VWC2L: variants seen among roughly 807,000 people sequenced by gnomAD.
VWC2L encodes von Willebrand factor C domain-containing protein 2-like.
VWC2L carries 10 observed loss-of-function variants against 21.6 expected under a neutral mutation model. The ratio of observed to expected loss-of-function variants is 0.46; its 90% CI spans 0.29 to 0.78. VWC2L has a LOEUF of 0.78. Among genes scored for constraint, VWC2L ranks in the 30% least tolerant of loss-of-function variants. VWC2L has a pLI of 0.10. For synonymous variants in VWC2L, 96 were observed against 94.3 expected, an observed-to-expected ratio of 1.02 and a Z score of -0.10; for missense variants, 209 against 277.1, an observed-to-expected ratio of 0.75 and a Z score of 1.74.
intron 3 of VWC2L, among the ~76,000 whole-genome samples, chr2:214,446,719 C>CA (rs1702842987): frequency 6.6e-6 from 1 of 152,106 alleles, no homozygotes; most frequent in South Asian, 2.1e-4. Flanking sequence ...CCAGTCCCCC[C>CA]ACAAAACATA....
intron 3 of VWC2L, among the ~76,000 whole-genome samples, chr2:214,539,410 T>C (rs1224634825): frequency 6.6e-6 from 1 of 152,202 alleles, no homozygotes; most frequent in African/African-American, 2.4e-5. Flanking sequence ...TAGTTGACTG[T>C]CAGTATAGTT....
At chr2:214,441,558 A>C (rs969069580) in intron 3 of VWC2L, among the ~76,000 whole-genome samples, 5 of 152,044 alleles carry the variant, frequency 3.3e-5, no homozygotes, top group South Asian at 2.1e-4. Context: ...AATGTTATAA[A>C]CTTTTTAAAA....
At chr2:214,443,747 T>G (rs1417612906) in intron 3 of VWC2L, among the ~76,000 whole-genome samples, 1 of 152,098 alleles carries the variant, frequency 6.6e-6, no homozygotes, top group Non-Finnish European at 1.5e-5. Context: ...CTAAAGAAAT[T>G]CCCGATAAAG....
At chr2:214,551,606 A>C (rs1689796008) in intron 3 of VWC2L, among the ~76,000 whole-genome samples, 4 of 152,196 alleles carry the variant, frequency 2.6e-5, no homozygotes, top group Admixed American at 2.6e-4. Context: ...ATTTCATTCC[A>C]ATCTATCAGC....
chr2:214,544,174 G>C lies in VWC2L; in HGVS notation c.521-31498G>C, dbSNP rs866997317. 2.1e-4 allele frequency among the ~76,000 whole-genome samples: 32 copies of C among 152,268 alleles called. No individual in the cohort carries two copies. The Middle Eastern group carries it at 0.014, about 65-fold the overall frequency. On this transcript the variant is annotated intron_variant, in intron 3 of 3. Transcript: ENST00000312504. ...TTATTTGCTCTGTGTTTGTGAAAAGGGGAAAGGGAGTGACTCCAGGAATGG... is the reference window on the plus strand; with the variant it reads ...TTATTTGCTCTGTGTTTGTGAAAAGCGGAAAGGGAGTGACTCCAGGAATGG...
intron 3 of VWC2L, among the ~76,000 whole-genome samples, chr2:214,479,901 G>A (rs35916485): frequency 0.02 from 3,099 of 152,228 alleles, 68 homozygotes; most frequent in Admixed American, 0.069. Flanking sequence ...CTGTGGTTCC[G>A]CATCCATGGA....
chr2:214,418,022 T>C lies in VWC2L; in HGVS notation c.390+3439T>C, dbSNP rs969730775. On this transcript the variant is annotated intron_variant, in intron 2 of 3. Transcript: ENST00000312504. ...CAAACTCTTGGTGGCTTTTTTTCCC[T>C]GTGTGTTTGCACTGCTGTTCCACAG... is the stretch of plus-strand genomic sequence containing the variant. 2.6e-5 allele frequency among the ~76,000 whole-genome samples: 4 copies of C among 152,278 alleles called. No homozygotes were observed. In the East Asian group the frequency reaches 5.8e-4, roughly 22 times the overall value.
intron 3 of VWC2L, 48 bp downstream of exon 3, chr2:214,436,806 C>A: frequency 6.2e-7 from 1 of 1,606,840 alleles, no homozygotes; most frequent in Non-Finnish European, 8.5e-7. Flanking sequence ...GCACAAAATA[C>A]AAATATTTCA....
At chr2:214,556,702 G>A (rs1249755690) in intron 3 of VWC2L, among the ~76,000 whole-genome samples, 1 of 152,144 alleles carries the variant, frequency 6.6e-6, no homozygotes, top group Non-Finnish European at 1.5e-5. Flanking sequence ...ACAATCTGAG[G>A]CGAGGAATCC....
At chr2:214,428,127 T>G (rs1025549229) in intron 2 of VWC2L, among the ~76,000 whole-genome samples, 2 of 152,186 alleles carry the variant, frequency 1.3e-5, no homozygotes, top group African/African-American at 4.8e-5. Flanking sequence ...GGAAGGAAAC[T>G]CTGACGAAGT....
chr2:214,437,322 T>G (rs763115265), intron 3 of VWC2L, among the ~76,000 whole-genome samples: 3 of 152,182 alleles, frequency 2.0e-5, no homozygotes, highest in African/African-American at 7.2e-5. Flanking sequence ...GTAACTGCTA[T>G]AGAGAGCAAC....
rs187364150 is a variant in VWC2L, at chr2:214,472,817, T to C, written c.520+36059T>C. Among the ~76,000 whole-genome samples the C allele has an allele frequency of 1.3e-3, 203 of 152,320 alleles. 1 individual carries two copies. The highest frequency in any genetic ancestry group is 6.8e-3 in the Middle Eastern group (2 of 294). On this transcript the variant is annotated intron_variant, in intron 3 of 3. Transcript: ENST00000312504. ...GCCAACAAGTCTATCATACAAGTCA[T>C]TGAGCATTATATTCACCATGGGTCC...
Position 214,576,471 on chromosome 2 carries a change from G to A in VWC2L, c.*651G>A, listed in dbSNP as rs1690231033. 6.6e-6 allele frequency: 1 copy of A among 152,048 alleles called. No homozygotes were observed. The allele number at this position is 152,048 out of a possible 1,614,324, so 9.4% of individuals were successfully genotyped here. A position where few individuals can be genotyped will look rare whatever the true frequency, so the allele number is the denominator to read the frequency against. On this transcript the variant is annotated 3_prime_UTR_variant, in exon 4 of 4. Transcript: ENST00000312504. ...ACAAGTACTTTGTCCATTACGTGGG[G>A]GCTCACAATTTAATTCTTACAAACC...
chr2:214,415,798 T>G (rs1199663048), intron 2 of VWC2L, among the ~76,000 whole-genome samples: 1 of 152,170 alleles, frequency 6.6e-6, no homozygotes, highest in Non-Finnish European at 1.5e-5. Context: ...AAATTTTAAT[T>G]GTGACATTCA....
intron 3 of VWC2L, among the ~76,000 whole-genome samples, chr2:214,539,479 A>C (rs933242310): frequency 1.3e-5 from 2 of 152,174 alleles, no homozygotes; most frequent in African/African-American, 4.8e-5. Flanking sequence ...AAATAAATGC[A>C]AATAAGAGAC....
intron 3 of VWC2L, among the ~76,000 whole-genome samples, chr2:214,438,075 G>C (rs1490352146): frequency 1.3e-5 from 2 of 151,842 alleles, no homozygotes; most frequent in East Asian, 1.9e-4. Flanking sequence ...ATAAATATAT[G>C]CAAATATATT....
chr2:214,525,653 A>G (rs1689321838), intron 3 of VWC2L, among the ~76,000 whole-genome samples: 1 of 152,266 alleles, frequency 6.6e-6, no homozygotes, highest in Non-Finnish European at 1.5e-5. Context: ...CATCCCTACC[A>G]TGCTCCCAGA....
Position 214,411,177 on chromosome 2 carries a change from C to G in VWC2L, c.-690C>G, listed in dbSNP as rs1702262925. 6.6e-6 allele frequency: 1 copy of G among 152,266 alleles called. No homozygotes were observed. The highest frequency in any genetic ancestry group is 1.5e-5 in the Non-Finnish European group (1 of 68,084). The allele number at this position is 152,266 out of a possible 1,614,324, so 9.4% of individuals were successfully genotyped here. The stretch of plus-strand genomic sequence containing the variant: ...GAATGAGCTCCAAATCAGCAATCTG[C>G]AAACTGCTCTTACTGATGCAGAAAC... On this transcript the variant is annotated 5_prime_UTR_variant, in exon 1 of 4. Transcript: ENST00000312504.
intron 3 of VWC2L, among the ~76,000 whole-genome samples, chr2:214,461,776 GGT>G (rs1703145321): frequency 6.6e-6 from 1 of 152,150 alleles, no homozygotes; most frequent in Non-Finnish European, 1.5e-5. Context: ...ATGGTTAGGA[GGT>G]AATGGCAGTG....
Sources: allele counts gnomAD v4.1 joint callset (sites outside exome capture counted in the v4.1 genomes callset), GRCh38; gene constraint gnomAD v4.1.1; transcripts MANE v1.5; gene names NCBI Gene and HGNC (gene_info 2026-07-23, HGNC 2026-07-21).